The following TNFRSF17 variants were observed in gnomAD, a reference collection of about 807,000 sequenced individuals.
TNFRSF17 encodes tumor necrosis factor receptor superfamily member 17.
TNFRSF17 carries 13 observed loss-of-function variants against 9.9 expected under a neutral mutation model. The observed-to-expected ratio is 1.31, with a 90% CI of 0.85 to 2.08. The LOEUF (loss-of-function observed/expected upper bound fraction) is 2.08. Ranked by LOEUF, TNFRSF17 falls within the 30% of genes most tolerant of loss-of-function variation. The pLI is 0.00. For missense variants in TNFRSF17, 305 were observed against 225.8 expected (o/e 1.35, Z -2.25); for synonymous variants, 99 against 83.7 (o/e 1.18, Z -1.00).
At chr16:11,965,773 C>T (rs1387950801) in intron 1 of TNFRSF17, among the ~76,000 whole-genome samples, 4 of 152,024 alleles carry the variant, frequency 2.6e-5, no homozygotes, top group Non-Finnish European at 5.9e-5. Context: ...GATTATTTTG[C>T]TATCAAAACA....
chr16:11,966,097 C>G (rs2055191264), intron 1 of TNFRSF17, 98 bp from the exon 2 acceptor site: 1 of 1,316,742 alleles, frequency 7.6e-7, no homozygotes, highest in African/African-American at 1.5e-5. Context: ...GGCAACAGAG[C>G]AAGACTTTGT....
At position 11,967,826 on chromosome 16, in the gene TNFRSF17, G is replaced by A. The variant is rs199882446; in HGVS notation, c.534G>A (p.Glu178=). ...LPAALSATEI[E]KSISAR ...CTGCTTTGAGTGCTACGGAGATAGA[G>A]AAATCAATTTCTGCTAGGTAATTAA... Residue 178 remains glutamate (E), a synonymous_variant, in exon 3 of 3, where the codon GAG becomes GAA. Coordinates refer to ENST00000053243, the MANE Select transcript of TNFRSF17 (RefSeq NM_001192.3). 174 of 1,613,932 alleles carry A rather than the reference G, an allele frequency of 1.1e-4. No homozygotes were observed. In the East Asian group the frequency reaches 2.6e-3, roughly 24 times the overall value.
intron 1 of TNFRSF17, 21 bp downstream of exon 1, chr16:11,965,475 G>T: frequency 1.9e-6 from 3 of 1,612,476 alleles, no homozygotes; most frequent in Non-Finnish European, 2.5e-6. Context: ...TTGCTTGAAC[G>T]ATTATTCATT....
At chr16:11,965,521 CA>C in intron 1 of TNFRSF17, 67 bp downstream of exon 1, 1 of 1,509,824 alleles carries the variant, frequency 6.6e-7, no homozygotes, top group Non-Finnish European at 9.1e-7. Context: ...ACTGCTTATT[CA>C]GAGAATCAAC....
rs774729518 is a variant in TNFRSF17 at position 11,965,278 on chromosome 16, C to G, written c.-47C>G. The G allele has an allele frequency of 4.3e-6, 7 of 1,611,376 alleles. No individual in the cohort carries two copies. The South Asian group carries it at 7.7e-5, about 18-fold the overall frequency. On this transcript the variant is annotated 5_prime_UTR_variant, in exon 1 of 3. Transcript: ENST00000053243. Reference sequence around the variant, plus strand: ...AATTCTTGTAGAGATATTACTTGTCCTTCCAGGCTGTTCTTTCTGTAGCTC... The same window carrying G: ...AATTCTTGTAGAGATATTACTTGTCGTTCCAGGCTGTTCTTTCTGTAGCTC...
intron 1 of TNFRSF17, 54 bp downstream of exon 1, chr16:11,965,508 T>G (rs11570141): frequency 1.4e-5 from 22 of 1,566,674 alleles, no homozygotes; most frequent in Admixed American, 3.5e-5. Flanking sequence ...TCTGTCTATA[T>G]GGACTGCTTA....
In TNFRSF17 at chr16:11,966,315, C is replaced by T. The variant is rs1190218326; in HGVS notation, c.251C>T (p.Pro84Leu). The T allele has an allele frequency of 3.7e-6, 6 of 1,612,702 alleles. No individual in the cohort carries two copies. The highest frequency in any genetic ancestry group is 1.1e-5 in the South Asian group (1 of 90,590). The change falls in exon 2 of 3, where the codon CCA becomes CTA. Residue 84 changes from proline to leucine, a missense_variant. By Grantham distance (98) the Pro-to-Leu change is moderately conservative. Coordinates refer to ENST00000053243, the MANE Select transcript of TNFRSF17 (RefSeq NM_001192.3). ...MFLLRKINSE[P>L]LKDEFKNTGS... ...TTGCTAAGGAAGATAAACTCTGAAC[C>T]ATTAAAGGACGAGTTTAAAAACACA...
rs11570148 is a variant in TNFRSF17 at position 11,966,287 on chromosome 16, T to G, written c.223T>G (p.Phe75Val). 3.3e-5 allele frequency: 53 copies of G among 1,613,974 alleles called. No individual in the cohort carries two copies. In the Admixed American group the frequency reaches 8.8e-4, roughly 27 times the overall value. Residue 75 changes from phenylalanine to valine, a missense_variant, in exon 2 of 3, where the codon TTT becomes GTT. Phe to Val is a conservative substitution (Grantham distance 50). Transcript: ENST00000053243. ...TTCTTTGGCAGTTTTCGTGCTAATGTTTTTGCTAAGGAAGATAAACTCTGA... is the reference window on the plus strand; with the variant it reads ...TTCTTTGGCAGTTTTCGTGCTAATGGTTTTGCTAAGGAAGATAAACTCTGA... ...IISLAVFVLM[F>V]LLRKINSEPL...
chr16:11,965,684 T>G (rs2055187878), intron 1 of TNFRSF17, among the ~76,000 whole-genome samples: 1 of 152,238 alleles, frequency 6.6e-6, no homozygotes, highest in Admixed American at 6.5e-5. Context: ...AAAAATCAGC[T>G]CTTCTAATTA....
chr16:11,966,140 G>T, intron 1 of TNFRSF17, 55 bp from the exon 2 acceptor site: 2 of 1,488,564 alleles, frequency 1.3e-6, no homozygotes, highest in Non-Finnish European at 1.8e-6. Context: ...TAACAATAAA[G>T]TATGTGAATA....
chr16:11,967,859 G>C lies in TNFRSF17; in HGVS notation c.*12G>C, dbSNP rs374545778. On this transcript the variant is annotated 3_prime_UTR_variant, in exon 3 of 3. Coordinates refer to ENST00000053243, the MANE Select transcript of TNFRSF17 (RefSeq NM_001192.3). ...TTTCTGCTAGGTAATTAACCATTTC[G>C]ACTCGAGCAGTGCCACTTTAAAAAT... The C allele has an allele frequency of 1.2e-5, 20 of 1,610,084 alleles. No individual in the cohort carries two copies. Among genetic ancestry groups the C allele is most frequent in the Non-Finnish European group, 1.6e-5 (19 of 1,177,416 alleles).
intron 2 of TNFRSF17, 88 bp from the exon 3 acceptor site, chr16:11,967,482 G>T: frequency 7.4e-7 from 1 of 1,347,488 alleles, no homozygotes; most frequent in South Asian, 1.4e-5. Flanking sequence ...CTCTCACATT[G>T]CTTTGAGTCC....
At position 11,967,944 on chromosome 16, in the gene TNFRSF17, C is replaced by T. The variant is rs1004461122; in HGVS notation, c.*97C>T. The T allele has an allele frequency of 1.2e-5, 16 of 1,379,192 alleles. No homozygotes were observed. The highest frequency in any genetic ancestry group is 2.3e-5 in the Admixed American group (1 of 44,152). The allele number at this position is 1,379,192 out of a possible 1,614,324, so 85.4% of individuals were successfully genotyped here. A position where few individuals can be genotyped will look rare whatever the true frequency, so the allele number is the denominator to read the frequency against. On this transcript the variant is annotated 3_prime_UTR_variant, in exon 3 of 3. Coordinates refer to ENST00000053243, the MANE Select transcript of TNFRSF17 (RefSeq NM_001192.3). ...TAGGATGACTGTATTTTTCAGTTGC[C>T]GATACAGCTTTTTGTCCTCTAACTG...
Position 11,967,613 on chromosome 16 carries a change from C to G in TNFRSF17, c.321C>G (p.Ser107Arg), listed in dbSNP as rs2055205558. 6.2e-7 allele frequency: 1 copy of G among 1,614,068 alleles called. No homozygotes were observed. The highest frequency in any genetic ancestry group is 1.3e-5 in the African/African-American group (1 of 75,032). The change falls in exon 3 of 3, where the codon AGC becomes AGG. Residue 107 changes from serine (S) to arginine (R), a missense_variant. Ser to Arg is a moderately radical substitution (Grantham distance 110). Transcript: ENST00000053243. ...TGGCTAACATTGACCTGGAAAAGAG[C>G]AGGACTGGTGATGAAATTATTCTTC... is the stretch of plus-strand genomic sequence containing the variant. ...LGMANIDLEK[S>R]RTGDEIILPR...
rs2055185274 is a variant in TNFRSF17 at position 11,965,380 on chromosome 16, A to G, written c.56A>G (p.His19Arg). The G allele has an allele frequency of 1.9e-6, 3 of 1,614,108 alleles. No homozygotes were observed. Among genetic ancestry groups the G allele is most frequent in the African/African-American group, 2.7e-5 (2 of 74,936 alleles). ...SQNEYFDSLL[H>R]ACIPCQLRCS... ...AATGAATATTTTGACAGTTTGTTGCATGCTTGCATACCTTGTCAACTTCGA... is the reference window on the plus strand; with the variant it reads ...AATGAATATTTTGACAGTTTGTTGCGTGCTTGCATACCTTGTCAACTTCGA... Residue 19 changes from histidine to arginine, a missense_variant, in exon 1 of 3, where the codon CAT becomes CGT. Coordinates refer to ENST00000053243, the MANE Select transcript of TNFRSF17 (RefSeq NM_001192.3).
chr16:11,967,809 A>G lies in TNFRSF17; in HGVS notation c.517A>G (p.Ser173Gly), dbSNP rs1472614401. ...DYCKSLPAAL[S>G]ATEIEKSISA... Reference sequence around the variant, plus strand: ...TTGCAAGAGCCTGCCAGCTGCTTTGAGTGCTACGGAGATAGAGAAATCAAT... The same window carrying G: ...TTGCAAGAGCCTGCCAGCTGCTTTGGGTGCTACGGAGATAGAGAAATCAAT... The change falls in exon 3 of 3, where the codon AGT becomes GGT. Residue 173 changes from serine to glycine, a missense_variant. Ser to Gly is a moderately conservative substitution (Grantham distance 56, BLOSUM62 0). Coordinates refer to ENST00000053243, the MANE Select transcript of TNFRSF17 (RefSeq NM_001192.3). 5 of 1,614,098 alleles carry G rather than the reference A, an allele frequency of 3.1e-6. No homozygotes were observed. Among genetic ancestry groups the G allele is most frequent in the Admixed American group, 1.7e-5 (1 of 59,998 alleles).
intron 1 of TNFRSF17, 90 bp downstream of exon 1, chr16:11,965,544 G>A (rs2055186898): frequency 1.5e-6 from 2 of 1,328,638 alleles, no homozygotes; most frequent in Non-Finnish European, 2.1e-6. Context: ...TAATGGGCAT[G>A]ATGGTGAGTT....
In TNFRSF17 at chr16:11,965,252, G is replaced by C; in HGVS notation, c.-73G>C. On this transcript the variant is annotated 5_prime_UTR_variant, in exon 1 of 3. Transcript: ENST00000053243. ...AGCTGCTCTTGCTGCATTTGCTCTG[G>C]AATTCTTGTAGAGATATTACTTGTC... 1 of 1,581,224 alleles carries C rather than the reference G, an allele frequency of 6.3e-7. No homozygotes were observed. Among genetic ancestry groups the C allele is most frequent in the Non-Finnish European group, 8.6e-7 (1 of 1,160,004 alleles).
chr16:11,968,014 G>T lies in TNFRSF17; in HGVS notation c.*167G>T. 2.7e-6 allele frequency: 2 copies of T among 738,720 alleles called. No homozygotes were observed. Among genetic ancestry groups the T allele is most frequent in the East Asian group, 2.9e-5 (1 of 34,848 alleles). The allele number at this position is 738,720 out of a possible 1,614,324, so 45.8% of individuals were successfully genotyped here. ...ATATATTTCTCTAGGTTACTGTTGG[G>T]AGCTTAATGGTAGAAACTTCCTTGG... On this transcript the variant is annotated 3_prime_UTR_variant, in exon 3 of 3. Transcript: ENST00000053243.
Sources: allele counts gnomAD v4.1 joint callset (sites outside exome capture counted in the v4.1 genomes callset), GRCh38; gene constraint gnomAD v4.1.1; transcripts MANE v1.5; gene names NCBI Gene and HGNC (gene_info 2026-07-23, HGNC 2026-07-21).